MSL2: variants seen among roughly 807,000 people sequenced by gnomAD.
MSL2 encodes the protein MSL complex subunit 2, also known as E3 ubiquitin-protein ligase MSL2.
In MSL2, 2 loss-of-function variants were observed where a neutral mutation model predicts 35.8. The ratio of observed to expected loss-of-function variants is 0.06; its 90% CI spans 0.02 to 0.18. MSL2 has a LOEUF of 0.18. MSL2 is among the 10% of genes least tolerant of loss of function. The pLI is 1.00. For missense variants in MSL2, 523 were observed against 706.7 expected, an observed-to-expected ratio of 0.74 and a Z score of 2.95; for synonymous variants, 296 against 255.7, an observed-to-expected ratio of 1.16 and a Z score of -1.50.
At position 136,149,152 on chromosome 3, in the gene MSL2, C is replaced by A. The variant is rs1939259729; in HGVS notation, c.*1995G>T. 6.7e-6 allele frequency: 1 copy of A among 149,678 alleles called. No individual in the cohort carries two copies. 9.3% of individuals were successfully genotyped at this position (149,678 alleles called of 1,614,324 possible). On this transcript the variant is annotated 3_prime_UTR_variant, in exon 2 of 2. Coordinates refer to ENST00000309993, the MANE Select transcript of MSL2 (RefSeq NM_018133.4). ...AAAAAAAACCCACAAGATTATCAAA[C>A]TTGGGAAGCAATAAAGTACTCTATG...
At position 136,163,888 on chromosome 3, in the gene MSL2, G is replaced by A. The variant is rs569518032; in HGVS notation, c.143-11150C>T. ...AGAAGGTGCCCTGCTTCCCCTCTTT[G>A]TCTTCCACCAAGATTGTTAAGTTCC... On this transcript the variant is annotated intron_variant, in intron 1 of 1. Coordinates refer to ENST00000309993, the MANE Select transcript of MSL2 (RefSeq NM_018133.4). Among the ~76,000 whole-genome samples, 8 of 152,142 alleles carry A rather than the reference G, an allele frequency of 5.3e-5. No individual in the cohort carries two copies. In the East Asian group the frequency reaches 1.5e-3, roughly 29 times the overall value.
chr3:136,183,955 C>T (rs1940437688), intron 1 of MSL2, among the ~76,000 whole-genome samples: 1 of 152,180 alleles, frequency 6.6e-6, no homozygotes, highest in Non-Finnish European at 1.5e-5. Context: ...TGACTCTTAT[C>T]CAGGTAATAA....
chr3:136,154,504 C>A (rs556051620), intron 1 of MSL2, among the ~76,000 whole-genome samples: 75 of 152,086 alleles, frequency 4.9e-4, no homozygotes, highest in Non-Finnish European at 3.2e-4. Flanking sequence ...TTACCCAAAG[C>A]GGTACCTCTT....
In MSL2 at chr3:136,195,017, T is replaced by A; in HGVS notation, c.97A>T (p.Arg33Trp). 6.2e-7 allele frequency: 1 copy of A among 1,614,020 alleles called. No individual in the cohort carries two copies. The highest frequency in any genetic ancestry group is 8.5e-7 in the Non-Finnish European group (1 of 1,180,008). Residue 33 changes from arginine (R) to tryptophan (W), a missense_variant, in exon 1 of 2, where the codon AGG (arginine) becomes TGG (tryptophan). Coordinates refer to ENST00000309993, the MANE Select transcript of MSL2 (RefSeq NM_018133.4). The stretch of plus-strand genomic sequence containing the variant: ...GACTGTCGGAAGTAAGGCAAGAGCC[T>A]GTTAATCTCAGTAAACGCCTTGGGG... ...GDPKAFTEIN[R>W]LLPYFRQSLS...
At chr3:136,160,298 AGAG>A (rs1939665412) in intron 1 of MSL2, among the ~76,000 whole-genome samples, 1 of 111,700 alleles carries the variant, frequency 9.0e-6, no homozygotes, top group Non-Finnish European at 1.8e-5. Flanking sequence ...AAAAAAAAAA[AGAG>A]GGAAGGAAGG....
Position 136,152,006 on chromosome 3 carries a change from G to T in MSL2, c.875C>A (p.Pro292Gln). ...NTEVCCPNLQ[P>Q]NLEATVSNGP... Reference sequence around the variant, plus strand: ...ATTGGATACAGTGGCTTCCAAGTTCGGCTGCAAATTAGGGCAACAGACCTC... The same window carrying T: ...ATTGGATACAGTGGCTTCCAAGTTCTGCTGCAAATTAGGGCAACAGACCTC... Residue 292 changes from proline to glutamine, a missense_variant, in exon 2 of 2, where the codon CCG (proline) becomes CAG (glutamine). Transcript: ENST00000309993. The T allele has an allele frequency of 6.2e-7, 1 of 1,614,142 alleles. No individual in the cohort carries two copies. The highest frequency in any genetic ancestry group is 8.5e-7 in the Non-Finnish European group (1 of 1,180,016).
intron 1 of MSL2, among the ~76,000 whole-genome samples, chr3:136,156,370 CAT>C (rs1939522083): frequency 6.6e-6 from 1 of 152,108 alleles, no homozygotes; most frequent in African/African-American, 2.4e-5. Context: ...GGTTGGAAAA[CAT>C]AAAATGGGTT....
intron 1 of MSL2, among the ~76,000 whole-genome samples, chr3:136,189,307 TAAAA>T (rs776699005): frequency 8.8e-6 from 1 of 113,616 alleles, no homozygotes. Context: ...TCGAGAAAAT[TAAAA>T]AAAAAAAAAA....
chr3:136,173,336 C>T (rs1229161478), intron 1 of MSL2, among the ~76,000 whole-genome samples: 1 of 152,130 alleles, frequency 6.6e-6, no homozygotes, highest in East Asian at 1.9e-4. Flanking sequence ...TACTAGGAAT[C>T]TCATCTCTCT....
intron 1 of MSL2, among the ~76,000 whole-genome samples, chr3:136,192,959 G>A (rs1940732569): frequency 6.6e-6 from 1 of 151,998 alleles, no homozygotes; most frequent in Admixed American, 6.6e-5. Context: ...GAGATGGGAG[G>A]AAAAAAACCT....
intron 1 of MSL2, among the ~76,000 whole-genome samples, chr3:136,171,738 C>G (rs1461387518): frequency 6.6e-6 from 1 of 152,106 alleles, no homozygotes; most frequent in Non-Finnish European, 1.5e-5. Flanking sequence ...GTTCTTTTCA[C>G]AGCTGTAAAA....
intron 1 of MSL2, among the ~76,000 whole-genome samples, chr3:136,157,229 G>A (rs1345465182): frequency 3.3e-5 from 5 of 151,642 alleles, no homozygotes; most frequent in Admixed American, 1.3e-4. Context: ...AAGGCGGGCC[G>A]ATCACCTGAG....
At chr3:136,164,998 C>G (rs994851543) in intron 1 of MSL2, among the ~76,000 whole-genome samples, 1 of 151,962 alleles carries the variant, frequency 6.6e-6, no homozygotes, top group Non-Finnish European at 1.5e-5. Flanking sequence ...CTCAGCCTCC[C>G]GAGCAGCTGG....
At position 136,183,234 on chromosome 3, in the gene MSL2, A is replaced by C. The variant is rs80088184; in HGVS notation, c.142+11738T>G. Among the ~76,000 whole-genome samples the C allele has an allele frequency of 4.6e-3, 697 of 152,236 alleles. 8 individuals are homozygous for C. The highest frequency in any genetic ancestry group is 0.016 in the African/African-American group (679 of 41,532). On this transcript the variant is annotated intron_variant, in intron 1 of 1. Transcript: ENST00000309993. Reference sequence around the variant, plus strand: ...CAACAAACCCAGAAAATGAAAGATGATAGAATTAGTAAACAACATTAAAAA... The same window carrying C: ...CAACAAACCCAGAAAATGAAAGATGCTAGAATTAGTAAACAACATTAAAAA...
intron 1 of MSL2, among the ~76,000 whole-genome samples, chr3:136,162,797 A>G (rs1489350306): frequency 6.6e-6 from 1 of 152,208 alleles, no homozygotes; most frequent in African/African-American, 2.4e-5. Context: ...ATAACAATCC[A>G]AAGAGTAACT....
At chr3:136,184,749 AAG>A (rs1491466207) in intron 1 of MSL2, among the ~76,000 whole-genome samples, 232 of 75,224 alleles carry the variant, frequency 3.1e-3, no homozygotes, top group East Asian at 0.016. Context: ...AAAAAAAAAA[AAG>A]GGGGGGGGGG....
At chr3:136,176,508 CCT>C (rs1940185923) in intron 1 of MSL2, among the ~76,000 whole-genome samples, 1 of 141,592 alleles carries the variant, frequency 7.1e-6, no homozygotes, top group East Asian at 2.0e-4. Context: ...AGAATGAGAC[CCT>C]CTCTCAAAAA....
intron 1 of MSL2, among the ~76,000 whole-genome samples, chr3:136,157,255 C>T (rs188846458): frequency 5.3e-5 from 8 of 151,806 alleles, no homozygotes; most frequent in Non-Finnish European, 8.8e-5. Context: ...GAAGGCGGGC[C>T]GATCACCTGA....
intron 1 of MSL2, among the ~76,000 whole-genome samples, chr3:136,193,055 G>A (rs972034374): frequency 1.3e-5 from 2 of 152,164 alleles, no homozygotes; most frequent in Non-Finnish European, 2.9e-5. Flanking sequence ...ATAGGATGAT[G>A]TGAAATAAGA....
Sources: gnomAD v4.1 joint callset for allele counts (sites outside exome capture counted in the v4.1 genomes callset) on GRCh38, gnomAD v4.1.1 for gene constraint, MANE v1.5 for transcripts, NCBI Gene and HGNC (gene_info 2026-07-23, HGNC 2026-07-21) for gene names.